DHX36: variants seen among roughly 807,000 people sequenced by gnomAD.
DHX36 encodes DEAH-box helicase 36.
A neutral mutation model predicts 139.0 loss-of-function variants in DHX36; 50 were observed. That is an observed-to-expected ratio of 0.36 (90% CI 0.29 to 0.46). The LOEUF (loss-of-function observed/expected upper bound fraction) is 0.46, where lower values mean the gene tolerates loss of function less well. Among genes scored for constraint, DHX36 ranks in the 20% least tolerant of loss-of-function variants. The probability of loss-of-function intolerance (pLI) is 1.00; values close to 1 mark genes in which losing one functional copy is unlikely to be tolerated. For synonymous variants in DHX36, 425 were observed against 401.9 expected, an observed-to-expected ratio of 1.06 and a Z score of -0.69; for missense variants, 1,024 against 1,211.3, an observed-to-expected ratio of 0.85 and a Z score of 2.29.
intron 3 of DHX36, among the ~76,000 whole-genome samples, chr3:154,313,128 G>A (rs1293100895): frequency 6.6e-6 from 1 of 151,364 alleles, no homozygotes; most frequent in Non-Finnish European, 1.5e-5. Context: ...AATGACATAA[G>A]TATTAACACC....
chr3:154,308,008 G>A (rs1712574239), intron 5 of DHX36, among the ~76,000 whole-genome samples: 2 of 152,092 alleles, frequency 1.3e-5, no homozygotes, highest in African/African-American at 4.8e-5. Flanking sequence ...ACATAAGTGG[G>A]TGCTAAAAAC....
chr3:154,284,470 C>A (rs962282127), intron 19 of DHX36, 113 bp downstream of exon 19: 1 of 912,686 alleles, frequency 1.1e-6, no homozygotes, highest in Admixed American at 3.0e-5. Flanking sequence ...CATGAGCCAC[C>A]GCGCCCGGCC....
chr3:154,301,149 A>G (rs565503587), intron 9 of DHX36, 22 bp from the exon 10 acceptor site: 3 of 1,563,528 alleles, frequency 1.9e-6, no homozygotes, highest in Non-Finnish European at 2.6e-6. Flanking sequence ...ACATTCTTGA[A>G]TATCTTCACT....
In DHX36 at chr3:154,301,032, A is replaced by G. The variant is rs751657520; in HGVS notation, c.1313T>C (p.Ile438Thr). The change falls in exon 10 of 25, where the codon ATA becomes ACA. Residue 438 changes from isoleucine (I) to threonine (T), a missense_variant. Transcript: ENST00000496811. ...NRQEKEEKEA[I>T]YKERWPDYVR... is the part of the protein sequence containing the mutation. ...ATAATCTGGCCAACGTTCTTTATAT[A>G]TTGCTTCTTTTTCTTCTTTTTCTTG... The G allele has an allele frequency of 6.2e-7, 1 of 1,613,266 alleles. No homozygotes were observed. The highest frequency in any genetic ancestry group is 1.1e-5 in the South Asian group (1 of 90,790).
At chr3:154,301,799 A>G (rs1712302985) in intron 9 of DHX36, among the ~76,000 whole-genome samples, 1 of 152,060 alleles carries the variant, frequency 6.6e-6, no homozygotes, top group Non-Finnish European at 1.5e-5. Context: ...TCTACCTATC[A>G]TTGTCAGTCC....
At chr3:154,282,415 T>C (rs1383785839) in intron 20 of DHX36, among the ~76,000 whole-genome samples, 1 of 152,148 alleles carries the variant, frequency 6.6e-6, no homozygotes, top group African/African-American at 2.4e-5. Flanking sequence ...AGGTGTCTTT[T>C]CATTCACTCT....
At position 154,303,406 on chromosome 3, in the gene DHX36, G is replaced by C. The variant is rs1294133524; in HGVS notation, c.1140C>G (p.Asn380Lys). 6.3e-7 allele frequency: 1 copy of C among 1,597,574 alleles called. No homozygotes were observed. ...NAEKFSEYFG[N>K]CPMIHIPGFT... The stretch of plus-strand genomic sequence containing the variant: ...AACCAGGTATATGTATCATTGGACA[G>C]TTACCTATTACGGCAGACAAAATAT... Residue 380 changes from asparagine (N) to lysine (K), a missense_variant, in exon 9 of 25, where the codon AAC (asparagine) becomes AAG (lysine). Around this residue, in one of 4 missense-constraint regions of DHX36, gnomAD observed 146 missense variants for 215.0 expected, o/e 0.68. Coordinates refer to ENST00000496811, the MANE Select transcript of DHX36 (RefSeq NM_020865.3).
chr3:154,319,852 T>C (rs771241841), intron 1 of DHX36, among the ~76,000 whole-genome samples: 11 of 152,182 alleles, frequency 7.2e-5, no homozygotes, highest in Non-Finnish European at 1.0e-4. Context: ...ATGAACATGG[T>C]CAAATCTCTT....
Position 154,316,055 on chromosome 3 carries a change from C to A in DHX36, c.352G>T (p.Ala118Ser). The change falls in exon 2 of 25, where the codon GCT becomes TCT. Residue 118 changes from alanine (A) to serine (S), a missense_variant. Physicochemically the swap from Ala to Ser is moderately conservative, Grantham distance 99. Transcript: ENST00000496811. The part of the protein sequence containing the change: ...KESEAQISWF[A>S]PEDHGYGTEV... Reference sequence around the variant, plus strand: ...TTGTCGTACCCATGATCCTCAGGAGCAAACCAGGATATCTGTGCTTCTGAC... The same window carrying A: ...TTGTCGTACCCATGATCCTCAGGAGAAAACCAGGATATCTGTGCTTCTGAC... The A allele has an allele frequency of 6.2e-7, 1 of 1,613,104 alleles. No homozygotes were observed. Among genetic ancestry groups the A allele is most frequent in the Non-Finnish European group, 8.5e-7 (1 of 1,179,482 alleles).
chr3:154,315,809 CAACTT>C (rs767104070), intron 2 of DHX36, among the ~76,000 whole-genome samples: 1 of 152,018 alleles, frequency 6.6e-6, no homozygotes, highest in South Asian at 2.1e-4. Context: ...CAATAAATAA[CAACTT>C]AATACATCTC....
In DHX36 at chr3:154,276,201, C is replaced by A. The variant is rs771987313; in HGVS notation, c.2997G>T (p.Pro999=). The change falls in exon 25 of 25, where the codon CCG becomes CCT. Residue 999 remains proline, a synonymous_variant. Coordinates refer to ENST00000496811, the MANE Select transcript of DHX36 (RefSeq NM_020865.3). ...TGTAATATCCATCCTGGAATCGTGG[C>A]GGAAAGTTCCTGGGAGTTGCCTTTT... ...TQEKATPRNF[P]PRFQDGYYS 2 of 1,612,338 alleles carry A rather than the reference C, an allele frequency of 1.2e-6. No homozygotes were observed. The highest frequency in any genetic ancestry group is 2.2e-5 in the East Asian group (1 of 44,718).
intron 15 of DHX36, among the ~76,000 whole-genome samples, chr3:154,290,792 T>C (rs1711763898): frequency 6.6e-6 from 1 of 152,054 alleles, no homozygotes; most frequent in Admixed American, 6.6e-5. Context: ...ACCCACTGTC[T>C]ATTATATAAT....
At chr3:154,286,514 A>C (rs1300663267) in intron 17 of DHX36, among the ~76,000 whole-genome samples, 2 of 151,230 alleles carry the variant, frequency 1.3e-5, no homozygotes, top group Non-Finnish European at 3.0e-5. Context: ...ACTAACCTAG[A>C]AGATTAGTGG....
chr3:154,300,653 C>T lies in DHX36; in HGVS notation c.1402G>A (p.Asp468Asn). The change falls in exon 11 of 25, where the codon GAT (aspartate) becomes AAT (asparagine). Residue 468 changes from aspartate (D) to asparagine (N), a missense_variant. Asp to Asn is a conservative substitution (Grantham distance 23). This residue lies in a region of DHX36 where 115 missense variants were observed against 105.6 expected (regional missense o/e 1.09). Transcript: ENST00000496811. ...TVDVIEMMED[D>N]KVDLNLIVAL... The stretch of plus-strand genomic sequence containing the variant: ...ACAATCAAATTCAGATCAACTTTAT[C>T]ATCCTCCATCATTTCTATAACATCT... 1 of 1,613,892 alleles carries T rather than the reference C, an allele frequency of 6.2e-7. No homozygotes were observed.
intron 17 of DHX36, among the ~76,000 whole-genome samples, chr3:154,286,917 A>G (rs1342585208): frequency 6.6e-6 from 1 of 152,136 alleles, no homozygotes; most frequent in Non-Finnish European, 1.5e-5. Context: ...CCTGGGCTCA[A>G]GCAGTCCTCC....
intron 19 of DHX36, among the ~76,000 whole-genome samples, chr3:154,283,562 C>T (rs1220570035): frequency 6.6e-6 from 1 of 151,708 alleles, no homozygotes; most frequent in Non-Finnish European, 1.5e-5. Flanking sequence ...ACATAATACA[C>T]TAATCAAAAA....
At chr3:154,292,724 A>AAAACACAC in intron 14 of DHX36, 30 bp from the exon 15 acceptor site, 1 of 1,563,334 alleles carries the variant, frequency 6.4e-7, no homozygotes. Context: ...ATAAAATGTT[A>AAAACACAC]AAACACACAC....
At chr3:154,301,437 A>G (rs1206637874) in intron 9 of DHX36, among the ~76,000 whole-genome samples, 1 of 152,212 alleles carries the variant, frequency 6.6e-6, no homozygotes, top group Non-Finnish European at 1.5e-5. Context: ...ACAAAAGTTA[A>G]TATTAATGTT....
chr3:154,319,668 C>T (rs908102445), intron 1 of DHX36, among the ~76,000 whole-genome samples: 10 of 152,174 alleles, frequency 6.6e-5, no homozygotes, highest in Admixed American at 2.6e-4. Context: ...CTCCAGTAGA[C>T]ATTAGGCAGT....
Sources: gnomAD v4.1 joint callset for allele counts (sites outside exome capture counted in the v4.1 genomes callset) on GRCh38, gnomAD v4.1.1 for gene constraint, gnomAD v4.1.1 regional missense constraint, MANE v1.5 for transcripts, NCBI Gene and HGNC (gene_info 2026-07-23, HGNC 2026-07-21) for gene names.